Variants in HLX observed in about 807,000 individuals in gnomAD.
HLX encodes the protein H2.0 like homeobox, also known as H2.0-like homeobox protein.
A neutral mutation model predicts 27.7 loss-of-function variants in HLX; 6 were observed. That is an observed-to-expected ratio of 0.22 (90% CI 0.12 to 0.43). The LOEUF (loss-of-function observed/expected upper bound fraction) is 0.43. HLX is among the 20% of genes least tolerant of loss of function. HLX has a pLI of 1.00. For synonymous variants in HLX, 328 were observed against 293.8 expected (o/e 1.12, Z -1.19); for missense variants, 666 against 655.2 (o/e 1.02, Z -0.18).
At position 220,884,270 on chromosome 1, in the gene HLX, A is replaced by G; in HGVS notation, c.1033A>G (p.Lys345Glu). The change falls in exon 4 of 4, where the codon AAG (lysine) becomes GAG (glutamate). Residue 345 changes from lysine (K) to glutamate (E), a missense_variant. Physicochemically the swap from Lys to Glu is moderately conservative, Grantham distance 56. Coordinates refer to ENST00000366903, the MANE Select transcript of HLX (RefSeq NM_021958.4). This position sits in a 1 kb window ranked among gnomAD's most constrained non-coding sequence, Gnocchi z 4.9. The stretch of plus-strand genomic sequence containing the variant: ...GGCCCAGGCCCAAAAGGACAAGGAC[A>G]AGGAGGCTGGCGAGAAGCCATCAGG... The part of the protein sequence containing the change: ...KEAQAQKDKD[K>E]EAGEKPSGGA... 1 of 1,613,916 alleles carries G rather than the reference A, an allele frequency of 6.2e-7. No individual in the cohort carries two copies. Among genetic ancestry groups the G allele is most frequent in the Non-Finnish European group, 8.5e-7 (1 of 1,179,952 alleles).
Position 220,884,478 on chromosome 1 carries a change from C to T in HLX, c.1241C>T (p.Ala414Val), listed in dbSNP as rs753891975. The change falls in exon 4 of 4, where the codon GCC becomes GTC. Residue 414 changes from alanine to valine, a missense_variant. Ala to Val is a moderately conservative substitution (Grantham distance 64). Coordinates refer to ENST00000366903, the MANE Select transcript of HLX (RefSeq NM_021958.4). This position sits in a 1 kb window ranked among gnomAD's most constrained non-coding sequence, Gnocchi z 4.9. Reference protein sequence around the residue: ...TTVIKAPVTGALITASSAGSG... With the variant: ...TTVIKAPVTGVLITASSAGSG... ...GTTATTAAGGCCCCGGTCACTGGCG[C>T]CCTCATTACCGCCAGCAGTGCTGGG... is the stretch of plus-strand genomic sequence containing the variant. 27 of 1,613,978 alleles carry T rather than the reference C, an allele frequency of 1.7e-5. No homozygotes were observed. Among genetic ancestry groups the T allele is most frequent in the Middle Eastern group, 1.6e-4 (1 of 6,084 alleles).
Position 220,880,138 on chromosome 1 carries a change from G to T in HLX, c.281G>T (p.Arg94Leu). 6.2e-7 allele frequency: 1 copy of T among 1,607,692 alleles called. No homozygotes were observed. ...SFQAAARSPL[R>L]PTPVVAPSEV... The stretch of plus-strand genomic sequence containing the variant: ...CAAGCGGCGGCCAGATCCCCGCTTC[G>T]ACCCACCCCAGTGGTGGCGCCCTCC... Residue 94 changes from arginine (R) to leucine (L), a missense_variant, in exon 1 of 4, where the codon CGA (arginine) becomes CTA (leucine). By Grantham distance (102) the Arg-to-Leu change is moderately radical. Coordinates refer to ENST00000366903, the MANE Select transcript of HLX (RefSeq NM_021958.4).
At chr1:220,881,740 G>T (rs1674450019) in intron 2 of HLX, 1 of 405,274 alleles carries the variant, frequency 2.5e-6, no homozygotes, top group Non-Finnish European at 4.6e-6. Flanking sequence ...TTATGTCTGG[G>T]TGCCTGGACA....
At position 220,880,034 on chromosome 1, in the gene HLX, G is replaced by T; in HGVS notation, c.177G>T (p.Ala59=). 6.3e-7 allele frequency: 1 copy of T among 1,591,774 alleles called. No homozygotes were observed. The highest frequency in any genetic ancestry group is 8.5e-7 in the Non-Finnish European group (1 of 1,174,870). Residue 59 remains alanine, a synonymous_variant, in exon 1 of 4, where the codon GCG becomes GCT. Transcript: ENST00000366903. ...ILHAGVGDLG[A]APEGLAGASA... Reference sequence around the variant, plus strand: ...ACGCCGGCGTGGGGGATCTGGGGGCGGCCCCGGAGGGCCTGGCAGGGGCCT... The same window carrying T: ...ACGCCGGCGTGGGGGATCTGGGGGCTGCCCCGGAGGGCCTGGCAGGGGCCT...
In HLX at chr1:220,884,654, A is replaced by G. The variant is rs1266784732; in HGVS notation, c.1417A>G (p.Ser473Gly). Residue 473 changes from serine to glycine, a missense_variant, in exon 4 of 4, where the codon AGC becomes GGC. By Grantham distance (56) the Ser-to-Gly change is moderately conservative. Coordinates refer to ENST00000366903, the MANE Select transcript of HLX (RefSeq NM_021958.4). The surrounding 1 kb of genome is among the most constrained non-coding windows in gnomAD (Gnocchi z 4.9). ...CCCTGCAACACAGCCCACAGCCAGC[A>G]GCGCTCCCAAAAGCCCCGAGCCAGC... Reference protein sequence around the residue: ...LLPATQPTASSAPKSPEPAQG... With the variant: ...LLPATQPTASGAPKSPEPAQG... 1.8e-5 allele frequency: 29 copies of G among 1,610,916 alleles called. No homozygotes were observed. The highest frequency in any genetic ancestry group is 2.5e-5 in the Non-Finnish European group (29 of 1,179,408).
At chr1:220,882,484 T>C in intron 3 of HLX, 136 bp downstream of exon 3, 1 of 751,920 alleles carries the variant, frequency 1.3e-6, no homozygotes, top group South Asian at 1.7e-5. Context: ...CAAGAGGCTT[T>C]GTGGACTACG....
Position 220,884,410 on chromosome 1 carries a change from G to C in HLX, c.1173G>C (p.Thr391=), listed in dbSNP as rs745344396. ...CCCTGGACATGGCCCCCAGCGACAC[G>C]GAGCGGACTGAGGGGAGTGAGCGTT... is the stretch of plus-strand genomic sequence containing the variant. ...SESLDMAPSD[T]ERTEGSERSL... is the part of the protein sequence containing the mutation. The change falls in exon 4 of 4, where the codon ACG becomes ACC. Residue 391 remains threonine (T), a synonymous_variant. Coordinates refer to ENST00000366903, the MANE Select transcript of HLX (RefSeq NM_021958.4). This position sits in a 1 kb window ranked among gnomAD's most constrained non-coding sequence, Gnocchi z 4.9. 6.2e-7 allele frequency: 1 copy of C among 1,614,136 alleles called. No homozygotes were observed. Among genetic ancestry groups the C allele is most frequent in the South Asian group, 1.1e-5 (1 of 91,080 alleles).
At position 220,884,906 on chromosome 1, in the gene HLX, T is replaced by A. The variant is rs143347425; in HGVS notation, c.*202T>A. 4 of 801,304 alleles carry A rather than the reference T, an allele frequency of 5.0e-6. No homozygotes were observed. The East Asian group carries it at 1.1e-4, about 22-fold the overall frequency. The allele number at this position is 801,304 out of a possible 1,614,324, so 49.6% of individuals were successfully genotyped here. ...AAAGCAGAGGGGAGTCTCAGTGTCC[T>A]GCTAGCCAGCCGAACACTTCTCTCC... is the stretch of plus-strand genomic sequence containing the variant. On this transcript the variant is annotated 3_prime_UTR_variant, in exon 4 of 4. Transcript: ENST00000366903. The surrounding 1 kb of genome is among the most constrained non-coding windows in gnomAD (Gnocchi z 4.9).
At position 220,879,457 on chromosome 1, in the gene HLX, C is replaced by G. The variant is rs1473148719; in HGVS notation, c.-401C>G. ...TTTTTTTTTCTATTACTTTTCCCCC[C>G]CCCTAACTAACGGACTATTATTGTT... On this transcript the variant is annotated 5_prime_UTR_variant, in exon 1 of 4. Transcript: ENST00000366903. 1 of 186,238 alleles carries G rather than the reference C, an allele frequency of 5.4e-6. No homozygotes were observed. The highest frequency in any genetic ancestry group is 1.1e-5 in the Non-Finnish European group (1 of 90,832). The allele number at this position is 186,238 out of a possible 1,614,324, so 11.5% of individuals were successfully genotyped here. A position where few individuals can be genotyped will look rare whatever the true frequency, so the allele number is the denominator to read the frequency against.
intron 3 of HLX, chr1:220,882,632 A>C: frequency 2.2e-6 from 1 of 453,494 alleles, no homozygotes; most frequent in Non-Finnish European, 4.1e-6. Context: ...CGGAGAAAGC[A>C]AAAGGGCCGC....
At chr1:220,881,763 A>AAC (rs71167242) in intron 2 of HLX, 20,217 of 304,856 alleles carry the variant, frequency 0.066, 519 homozygotes, top group African/African-American at 0.097. Flanking sequence ...TGCGGGAATA[A>AAC]ACACACACAC....
intron 3 of HLX, 114 bp downstream of exon 3, chr1:220,882,462 G>T: frequency 1.1e-6 from 1 of 917,718 alleles, no homozygotes. Flanking sequence ...GCAAACGCAA[G>T]ATCTTGACTT....
In HLX at chr1:220,884,566, T is replaced by C. The variant is rs1311137070; in HGVS notation, c.1329T>C (p.Ser443=). ...GCTTCAGCAGCGCCAGCAGTCTTAG[T>C]AGCAGCAGCACCAGTGCGGGTTGCG... is the stretch of plus-strand genomic sequence containing the variant. ...SFSFSSASSL[S]SSSTSAGCAS... is the part of the protein sequence containing the mutation. The change falls in exon 4 of 4, where the codon AGT becomes AGC. Residue 443 remains serine (S), a synonymous_variant. Transcript: ENST00000366903. This position sits in a 1 kb window ranked among gnomAD's most constrained non-coding sequence, Gnocchi z 4.9. The C allele has an allele frequency of 3.1e-6, 5 of 1,607,544 alleles. No homozygotes were observed. Among genetic ancestry groups the C allele is most frequent in the South Asian group, 1.1e-5 (1 of 90,400 alleles).
Position 220,884,848 on chromosome 1 carries a change from C to A in HLX, c.*144C>A, listed in dbSNP as rs908624883. ...CTCCCGACATTCACGCTTCGCCCCA[C>A]GCTGCTCCGACTGGCTGCAGCGGAC... On this transcript the variant is annotated 3_prime_UTR_variant, in exon 4 of 4. Transcript: ENST00000366903. This position sits in a 1 kb window ranked among gnomAD's most constrained non-coding sequence, Gnocchi z 4.9. 1.0e-5 allele frequency: 14 copies of A among 1,334,024 alleles called. No individual in the cohort carries two copies. The highest frequency in any genetic ancestry group is 1.5e-5 in the African/African-American group (1 of 68,426). 82.6% of individuals were successfully genotyped at this position (1,334,024 alleles called of 1,614,324 possible). A position where few individuals can be genotyped will look rare whatever the true frequency, so the allele number is the denominator to read the frequency against.
rs1422163796 is a variant in HLX, at chr1:220,879,669, G to C, written c.-189G>C. On this transcript the variant is annotated 5_prime_UTR_variant, in exon 1 of 4. Transcript: ENST00000366903. Reference sequence around the variant, plus strand: ...AGGGAGCGAGGCGGTGACCGGCCGAGATCCGGCCCTCGCCTCCTCCCTCGG... The same window carrying C: ...AGGGAGCGAGGCGGTGACCGGCCGACATCCGGCCCTCGCCTCCTCCCTCGG... 1 of 923,264 alleles carries C rather than the reference G, an allele frequency of 1.1e-6. No individual in the cohort carries two copies. The highest frequency in any genetic ancestry group is 1.5e-6 in the Non-Finnish European group (1 of 660,074). 57.2% of individuals were successfully genotyped at this position (923,264 alleles called of 1,614,324 possible). A position where few individuals can be genotyped will look rare whatever the true frequency, so the allele number is the denominator to read the frequency against.
Position 220,880,137 on chromosome 1 carries a change from C to G in HLX, c.280C>G (p.Arg94Gly), listed in dbSNP as rs761133557. 12 of 1,607,734 alleles carry G rather than the reference C, an allele frequency of 7.5e-6. No homozygotes were observed. The South Asian group carries it at 1.1e-4, about 15-fold the overall frequency. The change falls in exon 1 of 4, where the codon CGA becomes GGA. Residue 94 changes from arginine (R) to glycine (G), a missense_variant. Coordinates refer to ENST00000366903, the MANE Select transcript of HLX (RefSeq NM_021958.4). ...CCAAGCGGCGGCCAGATCCCCGCTT[C>G]GACCCACCCCAGTGGTGGCGCCCTC... ...SFQAAARSPL[R>G]PTPVVAPSEV...
At chr1:220,882,929 G>A (rs1339603617) in intron 3 of HLX, 2 of 152,906 alleles carry the variant, frequency 1.3e-5, no homozygotes, top group East Asian at 1.9e-4. Context: ...TCTGAAGGAA[G>A]GGGAGAGGTG....
rs757449387 is a variant in HLX at position 220,884,754 on chromosome 1, A to G, written c.*50A>G. The G allele has an allele frequency of 5.7e-6, 9 of 1,589,600 alleles. No homozygotes were observed. The highest frequency in any genetic ancestry group is 5.4e-5 in the African/African-American group (4 of 74,684). On this transcript the variant is annotated 3_prime_UTR_variant, in exon 4 of 4. Transcript: ENST00000366903. The surrounding 1 kb of genome is among the most constrained non-coding windows in gnomAD (Gnocchi z 4.9). ...GGGCCTTGCGTGCAGCCTCCCAACC[A>G]TGGGCTGGGTTTTGTGCTTACTGTA...
chr1:220,881,362 A>C lies in HLX; in HGVS notation c.761A>C (p.Asp254Ala). ...PRNSVQHQFQ[D>A]TFPGPYAVLT... ...AATTCAGTTCAGCATCAGTTCCAAG[A>C]CACGTTTCCAGGTACGGAAAAACTC... is the stretch of plus-strand genomic sequence containing the variant. Residue 254 changes from aspartate to alanine, a missense_variant, in exon 2 of 4, where the codon GAC becomes GCC. Asp to Ala is a moderately radical substitution (Grantham distance 126). Transcript: ENST00000366903. 6.2e-7 allele frequency: 1 copy of C among 1,613,974 alleles called. No individual in the cohort carries two copies. The highest frequency in any genetic ancestry group is 8.5e-7 in the Non-Finnish European group (1 of 1,179,804).
Sources: allele counts gnomAD v4.1 joint callset, GRCh38; gene constraint gnomAD v4.1.1; non-coding constraint Gnocchi (gnomAD v3.1); transcripts MANE v1.5; gene names NCBI Gene and HGNC (gene_info 2026-07-23, HGNC 2026-07-21).